The following SUFU variants were observed in gnomAD, a reference collection of about 807,000 sequenced individuals.
The protein encoded by SUFU is SUFU negative regulator of hedgehog signaling, also known as suppressor of fused homolog.
Under a neutral mutation model 58.9 loss-of-function variants are expected in SUFU, and 7 were observed. The observed-to-expected ratio is 0.12, with a 90% CI of 0.07 to 0.22. The LOEUF (loss-of-function observed/expected upper bound fraction) is 0.22, where lower values mean the gene tolerates loss of function less well. SUFU is among the 10% of genes least tolerant of loss of function. The probability of loss-of-function intolerance (pLI) is 1.00; values close to 1 mark genes in which losing one functional copy is unlikely to be tolerated. For synonymous variants in SUFU, 232 were observed against 254.8 expected (o/e 0.91, Z 0.85); for missense variants, 451 against 641.3 (o/e 0.70, Z 3.20).
At chr10:102,511,747 G>T (rs1474310640) in intron 2 of SUFU, among the ~76,000 whole-genome samples, 1 of 152,118 alleles carries the variant, frequency 6.6e-6, no homozygotes, top group East Asian at 1.9e-4. Context: ...GTCACGCTCT[G>T]TCACCCAGGC....
chr10:102,539,033 C>G (rs1477570043), intron 2 of SUFU, among the ~76,000 whole-genome samples: 2 of 152,204 alleles, frequency 1.3e-5, no homozygotes, highest in African/African-American at 4.8e-5. Context: ...GTGGACACTT[C>G]AGGATCGGTT....
At position 102,629,971 on chromosome 10, in the gene SUFU, A is replaced by C; in HGVS notation, c.1366-95A>C. The C allele has an allele frequency of 3.5e-6, 4 of 1,148,780 alleles. No individual in the cohort carries two copies. The highest frequency in any genetic ancestry group is 1.5e-5 in the African/African-American group (1 of 65,928). The allele number at this position is 1,148,780 out of a possible 1,614,324, so 71.2% of individuals were successfully genotyped here. A position where few individuals can be genotyped will look rare whatever the true frequency, so the allele number is the denominator to read the frequency against. The stretch of plus-strand genomic sequence containing the variant: ...GCCTCCCGCGGCCTGTCCTATCCCT[A>C]GCTCCCCGGGGACAGGCCTGGGCAA... On this transcript the variant is annotated intron_variant, in intron 11 of 11. Coordinates refer to ENST00000369902, the MANE Select transcript of SUFU (RefSeq NM_016169.4). The surrounding 1 kb of genome is among the most constrained non-coding windows in gnomAD (Gnocchi z 4.7).
At chr10:102,565,694 G>A (rs1336726779) in intron 3 of SUFU, among the ~76,000 whole-genome samples, 2 of 152,096 alleles carry the variant, frequency 1.3e-5, no homozygotes, top group East Asian at 1.9e-4. Context: ...ACAGGTGCCC[G>A]CCACCACGCA....
intron 1 of SUFU, among the ~76,000 whole-genome samples, chr10:102,508,324 G>T (rs1465441210): frequency 6.6e-6 from 1 of 152,114 alleles, no homozygotes; most frequent in Non-Finnish European, 1.5e-5. Context: ...AACTCTTATT[G>T]TATTAAATCC....
chr10:102,625,813 A>T lies in SUFU; in HGVS notation c.1297-1362A>T, dbSNP rs551466441. ...ACCCCGTCCACTTCTTGCTTTAGAG[A>T]CCTCCGTCCTGTGAGCTCCCGAGCC... On this transcript the variant is annotated intron_variant, in intron 10 of 11. Transcript: ENST00000369902. The surrounding 1 kb of genome is among the most constrained non-coding windows in gnomAD (Gnocchi z 4.7). Among the ~76,000 whole-genome samples the T allele has an allele frequency of 1.1e-4, 17 of 151,304 alleles. No homozygotes were observed. Among genetic ancestry groups the T allele is most frequent in the South Asian group, 4.2e-4 (2 of 4,750 alleles).
chr10:102,580,245 A>G (rs1272821689), intron 3 of SUFU, among the ~76,000 whole-genome samples: 1 of 152,180 alleles, frequency 6.6e-6, no homozygotes, highest in African/African-American at 2.4e-5. Flanking sequence ...GGTTTGTAAC[A>G]AATTGTAGCT....
rs2135939112 is a variant in SUFU, at chr10:102,619,014, C to T, written c.1296+1586C>T. The T allele has an allele frequency of 1.3e-6, 2 of 1,592,122 alleles. No homozygotes were observed. The highest frequency in any genetic ancestry group is 1.7e-6 in the Non-Finnish European group (2 of 1,167,228). ...GCACGTTTTCCTGGGACAGTCGGGACTGGGGCCTCCCCAAACTGCAGAATC... is the reference window on the plus strand; with the variant it reads ...GCACGTTTTCCTGGGACAGTCGGGATTGGGGCCTCCCCAAACTGCAGAATC... On this transcript the variant is annotated intron_variant, in intron 10 of 11. Transcript: ENST00000369902. The surrounding 1 kb of genome is among the most constrained non-coding windows in gnomAD (Gnocchi z 4.2).
intron 6 of SUFU, among the ~76,000 whole-genome samples, 161 bp from the exon 7 acceptor site, chr10:102,596,979 C>A (rs1266784264): frequency 2.0e-5 from 3 of 152,060 alleles, no homozygotes; most frequent in African/African-American, 7.2e-5. Context: ...GCATTGGTAA[C>A]CAGGGCAGAA....
intron 1 of SUFU, among the ~76,000 whole-genome samples, chr10:102,505,459 A>C (rs1029945521): frequency 6.6e-6 from 1 of 152,212 alleles, no homozygotes; most frequent in Non-Finnish European, 1.5e-5. Flanking sequence ...ACTGTTCTGC[A>C]GCTGCTTGGG....
At chr10:102,521,199 T>G (rs1475151211) in intron 2 of SUFU, among the ~76,000 whole-genome samples, 1 of 152,234 alleles carries the variant, frequency 6.6e-6, no homozygotes, top group Non-Finnish European at 1.5e-5. Context: ...ATTGTTTTAA[T>G]TTGCAGTTCT....
At chr10:102,532,329 C>T (rs573123472) in intron 2 of SUFU, among the ~76,000 whole-genome samples, 3 of 152,300 alleles carry the variant, frequency 2.0e-5, no homozygotes, top group African/African-American at 7.2e-5. Context: ...CCACACAGGC[C>T]AGCCCTCTAG....
intron 11 of SUFU, 31 bp downstream of exon 11, chr10:102,627,274 G>T (rs763642650): frequency 1.8e-5 from 28 of 1,596,400 alleles, no homozygotes; most frequent in Non-Finnish European, 1.7e-6. Flanking sequence ...CTGACAACAG[G>T]TCCCGTCTCT....
chr10:102,630,446 G>A lies in SUFU; in HGVS notation c.*291G>A. Reference sequence around the variant, plus strand: ...GCAGCCTGCACAGATTCTGGTTTGAGGTTTGACTCTGGACCCTGGCTGTGC... The same window carrying A: ...GCAGCCTGCACAGATTCTGGTTTGAAGTTTGACTCTGGACCCTGGCTGTGC... On this transcript the variant is annotated 3_prime_UTR_variant, in exon 12 of 12. Transcript: ENST00000369902. 1 of 494,450 alleles carries A rather than the reference G, an allele frequency of 2.0e-6. No individual in the cohort carries two copies. Among genetic ancestry groups the A allele is most frequent in the Non-Finnish European group, 3.7e-6 (1 of 269,124 alleles). 30.6% of individuals were successfully genotyped at this position (494,450 alleles called of 1,614,324 possible). A position where few individuals can be genotyped will look rare whatever the true frequency, so the allele number is the denominator to read the frequency against.
intron 1 of SUFU, among the ~76,000 whole-genome samples, chr10:102,508,669 G>A (rs1018658364): frequency 6.6e-6 from 1 of 152,184 alleles, no homozygotes; most frequent in Non-Finnish European, 1.5e-5. Context: ...ATTAACATAG[G>A]GCACAATATA....
chr10:102,537,712 ATGT>A (rs756499429), intron 2 of SUFU, among the ~76,000 whole-genome samples: 12 of 152,164 alleles, frequency 7.9e-5, no homozygotes, highest in Admixed American at 3.3e-4. Context: ...GGGTTCATCC[ATGT>A]TGTAGCAGAT....
At chr10:102,601,768 CA>C (rs1254347632) in intron 8 of SUFU, among the ~76,000 whole-genome samples, 1 of 152,208 alleles carries the variant, frequency 6.6e-6, no homozygotes, top group Non-Finnish European at 1.5e-5. Flanking sequence ...GACCTGACCC[CA>C]TTTCACATAC....
rs1245528146 is a variant in SUFU, at chr10:102,577,086, T to C, written c.455-15496T>C. On this transcript the variant is annotated intron_variant, in intron 3 of 11. Transcript: ENST00000369902. ...AGCATGTCCTGGATTTTTTCTTTTC[T>C]TTTTTTTTTTTTTTTGAGATGGAGT... is the stretch of plus-strand genomic sequence containing the variant. Among the ~76,000 whole-genome samples, 54 of 138,582 alleles carry C rather than the reference T, an allele frequency of 3.9e-4. 1 individual carries two copies. The highest frequency in any genetic ancestry group is 6.0e-4 in the Non-Finnish European group (39 of 64,638). The allele number at this position is 138,582 out of a possible 152,430, so 90.9% of individuals were successfully genotyped here. A position where few individuals can be genotyped will look rare whatever the true frequency, so the allele number is the denominator to read the frequency against.
intron 3 of SUFU, among the ~76,000 whole-genome samples, chr10:102,563,682 C>T (rs534166163): frequency 2.0e-5 from 3 of 151,538 alleles, no homozygotes; most frequent in African/African-American, 7.3e-5. Flanking sequence ...GGCAACAGAG[C>T]AAGACCCTGC....
At chr10:102,553,423 C>A (rs1483580630) in intron 3 of SUFU, among the ~76,000 whole-genome samples, 1 of 151,752 alleles carries the variant, frequency 6.6e-6, no homozygotes, top group African/African-American at 2.4e-5. Flanking sequence ...ACAGGTTGAG[C>A]TGCATGTTCA....
Sources: allele counts gnomAD v4.1 joint callset (sites outside exome capture counted in the v4.1 genomes callset), GRCh38; gene constraint gnomAD v4.1.1; non-coding constraint Gnocchi (gnomAD v3.1); transcripts MANE v1.5; gene names NCBI Gene and HGNC (gene_info 2026-07-23, HGNC 2026-07-21).